The following CSMD1 variants were observed in gnomAD, a reference collection of about 807,000 sequenced individuals.
The protein encoded by CSMD1 is CUB and sushi domain-containing protein 1.
CSMD1 carries 213 observed loss-of-function variants against 417.5 expected under a neutral mutation model. The ratio of observed to expected loss-of-function variants is 0.51; its 90% CI spans 0.46 to 0.57. CSMD1 has a LOEUF of 0.57. CSMD1 is among the 20% of genes least tolerant of loss of function. The pLI, the probability that CSMD1 is intolerant of heterozygous loss-of-function variation, is 0.00. For synonymous variants in CSMD1, 2,862 were observed against 1,736.8 expected, an observed-to-expected ratio of 1.65 and a Z score of -16.11; for missense variants, 6,923 against 4,529.7, an observed-to-expected ratio of 1.53 and a Z score of -15.17.
At chr8:4,336,527 C>T (rs528424559) in intron 3 of CSMD1, among the ~76,000 whole-genome samples, 10 of 152,232 alleles carry the variant, frequency 6.6e-5, no homozygotes, top group East Asian at 3.9e-4. Flanking sequence ...ATAACGTGTT[C>T]GATGAATGTC....
At chr8:3,905,880 T>A (rs905020644) in intron 5 of CSMD1, among the ~76,000 whole-genome samples, 9 of 152,266 alleles carry the variant, frequency 5.9e-5, no homozygotes, top group Non-Finnish European at 1.3e-4. Flanking sequence ...AGAAGGTTTC[T>A]GATCTCTTAC....
At chr8:3,937,458 A>G (rs573718594) in intron 5 of CSMD1, among the ~76,000 whole-genome samples, 123 of 152,290 alleles carry the variant, frequency 8.1e-4, no homozygotes, top group African/African-American at 2.9e-3. Context: ...ATCATCCATC[A>G]ACATTGACGA....
At chr8:3,691,987 C>T (rs1277273343) in intron 7 of CSMD1, among the ~76,000 whole-genome samples, 1 of 152,174 alleles carries the variant, frequency 6.6e-6, no homozygotes, top group African/African-American at 2.4e-5. Context: ...CTTTGTCCAG[C>T]TCATGAGACA....
At chr8:3,495,129 G>C (rs574428051) in intron 10 of CSMD1, among the ~76,000 whole-genome samples, 3 of 152,162 alleles carry the variant, frequency 2.0e-5, no homozygotes, top group African/African-American at 7.2e-5. Context: ...ATTTGAAATA[G>C]GTGTCGAGGT....
intron 7 of CSMD1, among the ~76,000 whole-genome samples, chr8:3,685,318 C>T (rs1249246710): frequency 6.6e-6 from 1 of 152,110 alleles, no homozygotes; most frequent in Non-Finnish European, 1.5e-5. Context: ...GTCTTTCCCC[C>T]TGTAAAAATT....
intron 1 of CSMD1, among the ~76,000 whole-genome samples, chr8:4,830,345 G>C (rs572223679): frequency 7.9e-5 from 12 of 152,246 alleles, no homozygotes; most frequent in African/African-American, 2.9e-4. Context: ...ACCAAGATTT[G>C]ACACATTAGA....
intron 3 of CSMD1, among the ~76,000 whole-genome samples, chr8:4,402,466 G>A (rs1199460581): frequency 6.6e-6 from 1 of 152,100 alleles, no homozygotes; most frequent in African/African-American, 2.4e-5. Context: ...TAAGCTTCCT[G>A]GTCTCTCTGT....
intron 26 of CSMD1, among the ~76,000 whole-genome samples, chr8:3,250,841 G>A (rs1446343600): frequency 2.0e-5 from 3 of 152,278 alleles, no homozygotes; most frequent in South Asian, 2.1e-4. Flanking sequence ...TCATGTGTCT[G>A]TTGGCTGCAT....
chr8:3,318,066 G>A (rs766896278), intron 23 of CSMD1, among the ~76,000 whole-genome samples: 1 of 152,208 alleles, frequency 6.6e-6, no homozygotes, highest in African/African-American at 2.4e-5. Context: ...CTCCCAAAAT[G>A]TTGGGATTAC....
chr8:4,113,046 G>A (rs150814858), intron 3 of CSMD1, among the ~76,000 whole-genome samples: 1 of 152,138 alleles, frequency 6.6e-6, no homozygotes, highest in African/African-American at 2.4e-5. Flanking sequence ...CATTTAAGGT[G>A]TTTTGGGGAT....
At chr8:3,198,227 T>TA (rs1370761848) in intron 33 of CSMD1, among the ~76,000 whole-genome samples, 3 of 152,196 alleles carry the variant, frequency 2.0e-5, no homozygotes, top group Non-Finnish European at 4.4e-5. Context: ...ATAGATTTTA[T>TA]AATCTTTATC....
chr8:4,304,735 G>C (rs1193347362), intron 3 of CSMD1, among the ~76,000 whole-genome samples: 1 of 152,104 alleles, frequency 6.6e-6, no homozygotes, highest in African/African-American at 2.4e-5. Flanking sequence ...AAATCACTTG[G>C]TAAAAGAAAA....
In CSMD1 at chr8:3,348,004, T is replaced by C. The variant is rs768545779; in HGVS notation, c.3462A>G (p.Gly1154=). The C allele has an allele frequency of 1.1e-5, 18 of 1,592,710 alleles. No homozygotes were observed. The highest frequency in any genetic ancestry group is 1.5e-5 in the Non-Finnish European group (17 of 1,170,620). The part of the protein sequence containing the change: ...LRTRSFQLFE[G]DTLKVYDGKD... ...AGATTCTTTTTACCTTTAGAGTATCTCCTTCAAACAGCTGGAAGCTTCGTG... is the reference window on the plus strand; with the variant it reads ...AGATTCTTTTTACCTTTAGAGTATCCCCTTCAAACAGCTGGAAGCTTCGTG... The change falls in exon 22 of 70, where the codon GGA becomes GGG. Residue 1154 remains glycine, a synonymous_variant. Transcript: ENST00000635120.
At chr8:4,086,851 A>C (rs867545552) in intron 3 of CSMD1, among the ~76,000 whole-genome samples, 2 of 152,216 alleles carry the variant, frequency 1.3e-5, no homozygotes, top group Admixed American at 6.5e-5. Flanking sequence ...AAATTTCATC[A>C]CGTTTCTGGT....
chr8:4,218,677 G>A (rs1300691698), intron 3 of CSMD1, among the ~76,000 whole-genome samples: 1 of 152,168 alleles, frequency 6.6e-6, no homozygotes, highest in Non-Finnish European at 1.5e-5. Context: ...AGGCTCTAAA[G>A]CTTGGATACA....
intron 5 of CSMD1, among the ~76,000 whole-genome samples, chr8:3,878,699 G>A (rs1187809730): frequency 6.6e-6 from 1 of 152,144 alleles, no homozygotes; most frequent in African/African-American, 2.4e-5. Flanking sequence ...TAGTATGTCT[G>A]ATGCTTCAGT....
rs142211116 is a variant in CSMD1 at position 2,980,354 on chromosome 8, C to G, written c.8378-1554G>C. 5.2e-3 allele frequency among the ~76,000 whole-genome samples: 785 copies of G among 151,870 alleles called. 10 individuals carry two copies. Among genetic ancestry groups the G allele is most frequent in the Non-Finnish European group, 7.3e-3 (498 of 67,904 alleles). ...TCCTCCTCCTCCTCCATTTCCTCCT[C>G]CACCTCTGTGTCCTTTCTTCCTCCT... On this transcript the variant is annotated intron_variant, in intron 54 of 69. Transcript: ENST00000635120.
chr8:4,030,768 C>A (rs1002771193), intron 4 of CSMD1, among the ~76,000 whole-genome samples: 7 of 152,156 alleles, frequency 4.6e-5, no homozygotes, highest in African/African-American at 1.7e-4. Flanking sequence ...CTGCAAAGTT[C>A]ATGAACTTTT....
intron 8 of CSMD1, among the ~76,000 whole-genome samples, chr8:3,603,275 C>T (rs1283481188): frequency 6.6e-6 from 1 of 152,176 alleles, no homozygotes; most frequent in Non-Finnish European, 1.5e-5. Context: ...CCTTCAAAAG[C>T]TACCTGCCTG....
Sources: allele counts gnomAD v4.1 joint callset (sites outside exome capture counted in the v4.1 genomes callset), GRCh38; gene constraint gnomAD v4.1.1; transcripts MANE v1.5; gene names NCBI Gene and HGNC (gene_info 2026-07-23, HGNC 2026-07-21).